The following DCHS2 variants were observed in gnomAD, a reference collection of about 807,000 sequenced individuals.
The protein encoded by DCHS2 is protocadherin-23.
Under a neutral mutation model 182.4 loss-of-function variants are expected in DCHS2, and 142 were observed. The ratio of observed to expected loss-of-function variants is 0.78; its 90% CI spans 0.68 to 0.89. The LOEUF (loss-of-function observed/expected upper bound fraction) is 0.89. Ranked by LOEUF, DCHS2 falls within the 40% of genes least tolerant of loss-of-function variation. The pLI is 0.00. For missense variants in DCHS2, 4,319 were observed against 4,198.6 expected (o/e 1.03, Z -0.79); for synonymous variants, 1,740 against 1,663.3 (o/e 1.05, Z -1.12).
chr4:154,273,139 C>G (rs1012640661), intron 13 of DCHS2, among the ~76,000 whole-genome samples: 1 of 152,066 alleles, frequency 6.6e-6, no homozygotes, highest in East Asian at 1.9e-4. Flanking sequence ...AAAAAGATAC[C>G]TGTGTATGCG....
chr4:154,428,753 A>G (rs1284731325), intron 1 of DCHS2, among the ~76,000 whole-genome samples: 4 of 152,094 alleles, frequency 2.6e-5, no homozygotes, highest in Non-Finnish European at 4.4e-5. Context: ...ATACAAAAAA[A>G]ATAGCCAGGC....
chr4:154,235,689 G>A lies in DCHS2; in HGVS notation c.8963C>T (p.Ala2988Val), dbSNP rs1173562795. 6.2e-7 allele frequency: 1 copy of A among 1,613,886 alleles called. No homozygotes were observed. The highest frequency in any genetic ancestry group is 8.5e-7 in the Non-Finnish European group (1 of 1,179,976). The part of the protein sequence containing the change: ...VSFSSEGTPL[A>V]VFASSFSISL... Reference sequence around the variant, plus strand: ...GATTGAAAAGCTGCTGGCGAACACTGCCAAGGGTGTTCCTTCAGAGGAGAA... The same window carrying A: ...GATTGAAAAGCTGCTGGCGAACACTACCAAGGGTGTTCCTTCAGAGGAGAA... Residue 2988 changes from alanine to valine, a missense_variant, in exon 20 of 20, where the codon GCA (alanine) becomes GTA (valine). Transcript: ENST00000357232.
intron 5 of DCHS2, among the ~76,000 whole-genome samples, chr4:154,332,002 G>A (rs1476569538): frequency 6.6e-6 from 1 of 152,166 alleles, no homozygotes; most frequent in African/African-American, 2.4e-5. Flanking sequence ...TTCTTAGAGT[G>A]ATTTTGAAAT....
rs1470249097 is a variant in DCHS2 at position 154,231,796 on chromosome 4, T to C, written c.*2740A>G. ...AACTGGACGTCTATTATAGATTGAA[T>C]ATGAATACATGGAGGCAGCCAGTAA... On this transcript the variant is annotated 3_prime_UTR_variant, in exon 20 of 20. Transcript: ENST00000357232. 2 of 152,134 alleles carry C rather than the reference T, an allele frequency of 1.3e-5. No homozygotes were observed. Among genetic ancestry groups the C allele is most frequent in the Admixed American group, 1.3e-4 (2 of 15,254 alleles). 9.4% of individuals were successfully genotyped at this position (152,134 alleles called of 1,614,324 possible).
chr4:154,329,323 T>G (rs74721840), intron 6 of DCHS2, among the ~76,000 whole-genome samples, 200 bp downstream of exon 6: 1 of 152,320 alleles, frequency 6.6e-6, no homozygotes, highest in South Asian at 2.1e-4. Context: ...GGAGGTACAA[T>G]GCCAAAGAGC....
At chr4:154,285,963 T>C (rs1734376034) in intron 13 of DCHS2, among the ~76,000 whole-genome samples, 1 of 152,106 alleles carries the variant, frequency 6.6e-6, no homozygotes, top group Admixed American at 6.5e-5. Context: ...GCAGTCCCAG[T>C]GGTGGTGGTC....
rs267600051 is a variant in DCHS2, at chr4:154,269,938, C to T, written c.6539G>A (p.Gly2180Glu). 1 of 1,612,564 alleles carries T rather than the reference C, an allele frequency of 6.2e-7. No homozygotes were observed. Among genetic ancestry groups the T allele is most frequent in the Non-Finnish European group, 8.5e-7 (1 of 1,179,164 alleles). Residue 2180 changes from glycine (G) to glutamate (E), a missense_variant, in exon 14 of 20, where the codon GGA (glycine) becomes GAA (glutamate). Physicochemically the swap from Gly to Glu is moderately conservative, Grantham distance 98. Transcript: ENST00000357232. ...CAGGGAAAGAACTCCATCTTCATTT[C>T]CACTAAAAATTGAATATTTCATGCT... ...QDSMKYSIFS[G>E]NEDGVLSLCS...
chr4:154,346,125 G>C (rs1044622986), intron 3 of DCHS2, among the ~76,000 whole-genome samples: 12 of 152,188 alleles, frequency 7.9e-5, no homozygotes, highest in African/African-American at 2.9e-4. Context: ...AACATAATTA[G>C]CTCCCAAAGA....
intron 2 of DCHS2, among the ~76,000 whole-genome samples, chr4:154,368,517 CTTTT>C (rs35087635): frequency 7.0e-6 from 1 of 142,026 alleles, no homozygotes; most frequent in African/African-American, 2.6e-5. Flanking sequence ...ACGTATAATA[CTTTT>C]TTTTTTTTTT....
chr4:154,350,333 C>T (rs1578996205), intron 3 of DCHS2, among the ~76,000 whole-genome samples: 1 of 152,292 alleles, frequency 6.6e-6, no homozygotes, highest in African/African-American at 2.4e-5. Flanking sequence ...GCACCAAAAA[C>T]AAGCAAATCA....
chr4:154,250,632 T>C (rs995140256), intron 16 of DCHS2, among the ~76,000 whole-genome samples: 5 of 152,160 alleles, frequency 3.3e-5, no homozygotes, highest in Non-Finnish European at 5.9e-5. Flanking sequence ...ATAAATTCAA[T>C]TGGTGATCAA....
At chr4:154,370,264 GA>G (rs199826672) in intron 2 of DCHS2, among the ~76,000 whole-genome samples, 5,965 of 152,148 alleles carry the variant, frequency 0.039, 154 homozygotes, top group Middle Eastern at 0.061. Context: ...AATAAATAAA[GA>G]ATCCCAGGTT....
chr4:154,441,677 ATATAGTTTAAAAC>A (rs1734019008), intron 1 of DCHS2, among the ~76,000 whole-genome samples: 1 of 151,992 alleles, frequency 6.6e-6, no homozygotes, highest in African/African-American at 2.4e-5. Context: ...ACTCAATTTA[ATATAGTTTAAAAC>A]TATTAAATTT....
intron 4 of DCHS2, chr4:154,333,971 G>T (rs6535995): frequency 0.99 from 153,744 of 154,522 alleles, 76,487 homozygotes; most frequent in Middle Eastern, 1. Flanking sequence ...CAAAGCCTGC[G>T]GAAAAGTGGA....
intron 1 of DCHS2, among the ~76,000 whole-genome samples, chr4:154,422,655 T>A (rs1278937744): frequency 6.6e-6 from 1 of 152,200 alleles, no homozygotes; most frequent in Non-Finnish European, 1.5e-5. Flanking sequence ...TGTTTTAGCA[T>A]AAAAATCAAA....
intron 15 of DCHS2, among the ~76,000 whole-genome samples, chr4:154,258,367 CTTTTTTTTTTT>C (rs771510956): frequency 3.7e-4 from 22 of 58,850 alleles, no homozygotes; most frequent in African/African-American, 1.3e-3. Flanking sequence ...AAAAGAAAGG[CTTTTTTTTTTT>C]TTTTTTTTTT....
intron 3 of DCHS2, among the ~76,000 whole-genome samples, chr4:154,362,691 C>T (rs965916923): frequency 2.0e-5 from 3 of 152,110 alleles, no homozygotes; most frequent in African/African-American, 7.2e-5. Flanking sequence ...CTGCCCTTTC[C>T]TCCGTCTCTA....
intron 12 of DCHS2, among the ~76,000 whole-genome samples, chr4:154,300,240 G>A (rs992946969): frequency 6.6e-6 from 1 of 152,120 alleles, no homozygotes; most frequent in South Asian, 2.1e-4. Flanking sequence ...TAAGCAGGGG[G>A]TCAAATTGTG....
chr4:154,463,658 G>C (rs1300844779), intron 1 of DCHS2, among the ~76,000 whole-genome samples: 1 of 150,204 alleles, frequency 6.7e-6, no homozygotes, highest in African/African-American at 2.5e-5. Context: ...GAGGTCATTA[G>C]GTAAACTAAA....
Sources: allele counts gnomAD v4.1 joint callset (sites outside exome capture counted in the v4.1 genomes callset), GRCh38; gene constraint gnomAD v4.1.1; transcripts MANE v1.5; gene names NCBI Gene and HGNC (gene_info 2026-07-23, HGNC 2026-07-21).